The following NT5E variants were observed in gnomAD, a reference collection of about 807,000 sequenced individuals.
NT5E encodes 5'-nucleotidase ecto.
NT5E carries 53 observed loss-of-function variants against 55.1 expected under a neutral mutation model. The ratio of observed to expected loss-of-function variants is 0.96; its 90% CI spans 0.77 to 1.21. NT5E has a LOEUF of 1.21. NT5E is among the 50% of genes most tolerant of loss of function. NT5E has a pLI of 0.00. For synonymous variants in NT5E, 270 were observed against 278.4 expected, an observed-to-expected ratio of 0.97 and a Z score of 0.30; for missense variants, 683 against 724.3, an observed-to-expected ratio of 0.94 and a Z score of 0.65.
intron 4 of NT5E, among the ~76,000 whole-genome samples, 191 bp from the exon 5 acceptor site, chr6:85,487,144 T>A (rs144993352): frequency 1.8e-4 from 28 of 152,330 alleles, no homozygotes; most frequent in African/African-American, 6.7e-4. Flanking sequence ...TTAAGATGCA[T>A]TCCAGGTCTT....
chr6:85,470,033 G>A (rs1769271898), intron 2 of NT5E, among the ~76,000 whole-genome samples: 2 of 152,202 alleles, frequency 1.3e-5, no homozygotes, highest in Admixed American at 1.3e-4. Flanking sequence ...TTAATGAAAT[G>A]TCATTCTCCC....
chr6:85,489,512 C>A lies in NT5E; in HGVS notation c.1123C>A (p.His375Asn). The A allele has an allele frequency of 6.2e-7, 1 of 1,613,250 alleles. No homozygotes were observed. Among genetic ancestry groups the A allele is most frequent in the South Asian group, 1.1e-5 (1 of 91,052 alleles). Residue 375 changes from histidine (H) to asparagine (N), a missense_variant, in exon 6 of 9, where the codon CAC (histidine) becomes AAC (asparagine). By Grantham distance (68) the His-to-Asn change is moderately conservative (BLOSUM62 1). Coordinates refer to ENST00000257770, the MANE Select transcript of NT5E (RefSeq NM_002526.4). ...GTTGCAGATTAACAACAACCTGAGA[C>A]ACACGGATGAAATGTTCTGGAACCA... ...CDAMINNNLRHTDEMFWNHVS... is the reference protein window; with the variant it reads ...CDAMINNNLRNTDEMFWNHVS...
chr6:85,466,844 A>G (rs1162344497), intron 1 of NT5E, among the ~76,000 whole-genome samples: 1 of 152,152 alleles, frequency 6.6e-6, no homozygotes, highest in African/African-American at 2.4e-5. Flanking sequence ...GGTGTTGCGT[A>G]TGCACATTGG....
Position 85,450,305 on chromosome 6 carries a change from C to G in NT5E, c.166C>G (p.Arg56Gly), listed in dbSNP as rs1768827617. 1 of 1,604,956 alleles carries G rather than the reference C, an allele frequency of 6.2e-7. No homozygotes were observed. The highest frequency in any genetic ancestry group is 1.3e-5 in the African/African-American group (1 of 74,876). ...CTCCAGCAAGTGCGTCAACGCCAGC[C>G]GCTGCATGGGTGGCGTGGCTCGGCT... ...EDSSKCVNAS[R>G]CMGGVARLFT... The change falls in exon 1 of 9, where the codon CGC (arginine) becomes GGC (glycine). Residue 56 changes from arginine (R) to glycine (G), a missense_variant. By Grantham distance (125) the Arg-to-Gly change is moderately radical. Transcript: ENST00000257770. This position sits in a 1 kb window ranked among gnomAD's most constrained non-coding sequence, Gnocchi z 4.0.
intron 1 of NT5E, among the ~76,000 whole-genome samples, chr6:85,455,839 G>T (rs1016210603): frequency 1.4e-4 from 21 of 152,156 alleles, no homozygotes; most frequent in African/African-American, 5.1e-4. Context: ...TGGTGTCTGG[G>T]GGAAATCCCA....
chr6:85,483,058 C>T (rs1253106945), intron 3 of NT5E, among the ~76,000 whole-genome samples: 2 of 152,174 alleles, frequency 1.3e-5, no homozygotes, highest in Non-Finnish European at 2.9e-5. Flanking sequence ...TTGCTGGCTC[C>T]TATTTGCATA....
chr6:85,466,140 A>G (rs2127756417), intron 1 of NT5E, among the ~76,000 whole-genome samples: 1 of 152,230 alleles, frequency 6.6e-6, no homozygotes, highest in African/African-American at 2.4e-5. Context: ...ATGCTTTGTC[A>G]GTGGGGCCTC....
At chr6:85,463,258 T>C (rs1769128464) in intron 1 of NT5E, among the ~76,000 whole-genome samples, 1 of 152,146 alleles carries the variant, frequency 6.6e-6, no homozygotes, top group Non-Finnish European at 1.5e-5. Flanking sequence ...AAGTTTAGTG[T>C]TTTTAGTAAA....
At chr6:85,482,092 C>T (rs1244946633) in intron 3 of NT5E, among the ~76,000 whole-genome samples, 1 of 152,198 alleles carries the variant, frequency 6.6e-6, no homozygotes, top group East Asian at 1.9e-4. Flanking sequence ...ATTACCAATC[C>T]TTTTTATCCA....
chr6:85,456,942 T>A (rs1340279181), intron 1 of NT5E, among the ~76,000 whole-genome samples: 2 of 152,108 alleles, frequency 1.3e-5, no homozygotes, highest in Non-Finnish European at 2.9e-5. Context: ...TAGGGTGCTG[T>A]GGGGTTTACA....
intron 2 of NT5E, among the ~76,000 whole-genome samples, chr6:85,468,148 T>A (rs1009502577): frequency 6.6e-6 from 1 of 152,220 alleles, no homozygotes; most frequent in Non-Finnish European, 1.5e-5. Context: ...AAAGGACATA[T>A]AATTGACAAT....
chr6:85,476,209 C>T (rs1456535237), intron 3 of NT5E, among the ~76,000 whole-genome samples: 1 of 152,186 alleles, frequency 6.6e-6, no homozygotes, highest in African/African-American at 2.4e-5. Context: ...TGACTGACAC[C>T]TCCACTCCAT....
intron 3 of NT5E, among the ~76,000 whole-genome samples, chr6:85,480,553 G>A (rs1769525341): frequency 6.6e-6 from 1 of 152,168 alleles, no homozygotes; most frequent in Non-Finnish European, 1.5e-5. Context: ...AGCAGAAGCA[G>A]AGACAGCAGC....
intron 1 of NT5E, among the ~76,000 whole-genome samples, chr6:85,456,171 C>A (rs1470549376): frequency 6.6e-6 from 1 of 152,182 alleles, no homozygotes; most frequent in Non-Finnish European, 1.5e-5. Context: ...CAGAGAGCTT[C>A]CAAGTTGGTG....
intron 8 of NT5E, among the ~76,000 whole-genome samples, chr6:85,492,740 G>A (rs1702893386): frequency 6.6e-6 from 1 of 152,158 alleles, no homozygotes; most frequent in South Asian, 2.1e-4. Flanking sequence ...GTCACATTAT[G>A]TGCATACAGA....
At chr6:85,477,804 T>G (rs185327363) in intron 3 of NT5E, among the ~76,000 whole-genome samples, 1 of 152,260 alleles carries the variant, frequency 6.6e-6, no homozygotes, top group African/African-American at 2.4e-5. Context: ...GTTTATTAAG[T>G]GATGTGGGAG....
At chr6:85,465,372 T>G (rs1769172063) in intron 1 of NT5E, among the ~76,000 whole-genome samples, 1 of 152,188 alleles carries the variant, frequency 6.6e-6, no homozygotes, top group Non-Finnish European at 1.5e-5. Flanking sequence ...CAAAATAATT[T>G]TATAGTTAAG....
chr6:85,466,062 G>A (rs1346663275), intron 1 of NT5E, among the ~76,000 whole-genome samples: 1 of 152,198 alleles, frequency 6.6e-6, no homozygotes, highest in Non-Finnish European at 1.5e-5. Flanking sequence ...GGCCCAAGGA[G>A]ATGGGTGTAT....
intron 1 of NT5E, among the ~76,000 whole-genome samples, chr6:85,459,129 TAA>T (rs1371748598): frequency 2.6e-5 from 4 of 151,986 alleles, no homozygotes; most frequent in African/African-American, 9.7e-5. Flanking sequence ...TGTCTCTCTT[TAA>T]AAAAGAGAGA....
Sources: allele counts gnomAD v4.1 joint callset (sites outside exome capture counted in the v4.1 genomes callset), GRCh38; gene constraint gnomAD v4.1.1; non-coding constraint Gnocchi (gnomAD v3.1); transcripts MANE v1.5; gene names NCBI Gene and HGNC (gene_info 2026-07-23, HGNC 2026-07-21).